Variants in NPAS3 observed in about 807,000 individuals in gnomAD.
NPAS3 encodes the protein neuronal PAS domain protein 3.
NPAS3 carries 14 observed loss-of-function variants against 73.1 expected under a neutral mutation model. The ratio of observed to expected loss-of-function variants is 0.19; its 90% confidence interval spans 0.13 to 0.30. The LOEUF is 0.30. NPAS3 is among the 10% of genes least tolerant of loss of function. The pLI is 1.00. For missense variants in NPAS3, 1,096 were observed against 1,250.0 expected (o/e 0.88, Z 1.86); for synonymous variants, 620 against 541.5 (o/e 1.14, Z -2.01).
At chr14:33,257,699 C>T (rs944203190) in intron 3 of NPAS3, among the ~76,000 whole-genome samples, 3 of 152,092 alleles carry the variant, frequency 2.0e-5, no homozygotes, top group Non-Finnish European at 4.4e-5. Flanking sequence ...TGACTCTTTT[C>T]CACAATTCAC....
intron 5 of NPAS3, among the ~76,000 whole-genome samples, chr14:33,669,555 G>C (rs2059552625): frequency 6.6e-6 from 1 of 152,164 alleles, no homozygotes; most frequent in African/African-American, 2.4e-5. Flanking sequence ...AGGTATACCT[G>C]ATCTAAGATT....
intron 3 of NPAS3, among the ~76,000 whole-genome samples, chr14:33,287,154 A>T (rs1336540646): frequency 6.6e-6 from 1 of 152,204 alleles, no homozygotes; most frequent in Non-Finnish European, 1.5e-5. Flanking sequence ...AAAAAAAGTG[A>T]TGTGAAAGTG....
At chr14:32,980,106 A>G (rs932278709) in intron 1 of NPAS3, among the ~76,000 whole-genome samples, 4 of 152,234 alleles carry the variant, frequency 2.6e-5, no homozygotes, top group Non-Finnish European at 5.9e-5. Flanking sequence ...ACTAACTAGT[A>G]CATTTCCTCT....
chr14:33,430,765 G>A (rs546886382), intron 4 of NPAS3, among the ~76,000 whole-genome samples: 39 of 152,198 alleles, frequency 2.6e-4, no homozygotes, highest in East Asian at 5.8e-4. Flanking sequence ...TAATTTTCCC[G>A]CATGTCTTCT....
intron 4 of NPAS3, among the ~76,000 whole-genome samples, chr14:33,519,622 C>T (rs971384993): frequency 1.3e-5 from 2 of 152,128 alleles, no homozygotes; most frequent in African/African-American, 4.8e-5. Context: ...AATAACAGTA[C>T]AGATACATGG....
intron 2 of NPAS3, among the ~76,000 whole-genome samples, chr14:33,165,830 C>T (rs1047345604): frequency 2.0e-5 from 3 of 152,100 alleles, no homozygotes; most frequent in African/African-American, 7.2e-5. Context: ...CTTATTCAGC[C>T]TAGGCTTATA....
At chr14:32,940,579 GAT>G (rs1330917782) in intron 1 of NPAS3, among the ~76,000 whole-genome samples, 1 of 152,192 alleles carries the variant, frequency 6.6e-6, no homozygotes, top group Non-Finnish European at 1.5e-5. Context: ...AATACAGTAA[GAT>G]ATATGCACCC....
At chr14:33,075,464 A>G (rs2041624726) in intron 2 of NPAS3, among the ~76,000 whole-genome samples, 1 of 152,250 alleles carries the variant, frequency 6.6e-6, no homozygotes, top group South Asian at 2.1e-4. Flanking sequence ...AGTAAGTCCT[A>G]CATATGCTGC....
chr14:33,766,380 C>T (rs1054975512), intron 7 of NPAS3, among the ~76,000 whole-genome samples: 1 of 152,170 alleles, frequency 6.6e-6, no homozygotes, highest in Non-Finnish European at 1.5e-5. Context: ...ACTCTTCCCG[C>T]TCACCTCATT....
At chr14:33,202,973 C>T (rs182304039) in intron 2 of NPAS3, among the ~76,000 whole-genome samples, 10 of 152,282 alleles carry the variant, frequency 6.6e-5, no homozygotes, top group South Asian at 4.1e-4. Flanking sequence ...TAATTTTCTT[C>T]CCCAATTTTA....
At chr14:33,672,595 C>T (rs114274944) in intron 5 of NPAS3, among the ~76,000 whole-genome samples, 3,372 of 151,522 alleles carry the variant, frequency 0.022, 124 homozygotes, top group African/African-American at 0.078. Context: ...GTTCATCAAG[C>T]AAAAAATTCT....
chr14:33,618,932 G>A (rs886231065), intron 5 of NPAS3, among the ~76,000 whole-genome samples: 5 of 152,200 alleles, frequency 3.3e-5, no homozygotes, highest in African/African-American at 1.2e-4. Context: ...GAGAAGCAGT[G>A]AGGTGCTGTC....
intron 9 of NPAS3, among the ~76,000 whole-genome samples, chr14:33,789,734 G>A (rs1026904708): frequency 2.1e-5 from 3 of 145,940 alleles, no homozygotes; most frequent in Admixed American, 6.8e-5. Flanking sequence ...GACTACAGGC[G>A]CCCGCCACCA....
At chr14:33,584,885 C>T (rs754200755) in intron 5 of NPAS3, among the ~76,000 whole-genome samples, 4 of 152,030 alleles carry the variant, frequency 2.6e-5, no homozygotes, top group Non-Finnish European at 4.4e-5. Context: ...GTAAATAAGG[C>T]GCACCCTGAG....
chr14:33,067,880 C>T (rs2041334243), intron 2 of NPAS3, among the ~76,000 whole-genome samples: 1 of 152,198 alleles, frequency 6.6e-6, no homozygotes, highest in African/African-American at 2.4e-5. Flanking sequence ...GTAATTCAGT[C>T]TCATTCTTGA....
At chr14:33,738,405 T>A (rs192983813) in intron 7 of NPAS3, among the ~76,000 whole-genome samples, 1 of 152,256 alleles carries the variant, frequency 6.6e-6, no homozygotes, top group African/African-American at 2.4e-5. Flanking sequence ...AAAGAAAAAC[T>A]TCTTGCCTGA....
chr14:33,055,025 T>C (rs1450860542), intron 1 of NPAS3, among the ~76,000 whole-genome samples: 1 of 152,140 alleles, frequency 6.6e-6, no homozygotes, highest in East Asian at 1.9e-4. Flanking sequence ...TCTAATATGC[T>C]GGTATTAGAG....
At chr14:33,558,509 C>T (rs902058595) in intron 4 of NPAS3, among the ~76,000 whole-genome samples, 1 of 152,064 alleles carries the variant, frequency 6.6e-6, no homozygotes, top group African/African-American at 2.4e-5. Flanking sequence ...ATCTGCCAAC[C>T]TTGGCTTCCC....
At chr14:33,594,499 A>T (rs2057172265) in intron 5 of NPAS3, among the ~76,000 whole-genome samples, 1 of 152,214 alleles carries the variant, frequency 6.6e-6, no homozygotes, top group Non-Finnish European at 1.5e-5. Context: ...TCCAGAAATG[A>T]TGAAAGAGTC....
Sources: gnomAD v4.1 joint callset for allele counts (sites outside exome capture counted in the v4.1 genomes callset) on GRCh38, gnomAD v4.1.1 for gene constraint, MANE v1.5 for transcripts, NCBI Gene and HGNC (gene_info 2026-07-23, HGNC 2026-07-21) for gene names.